STX8: variants seen among roughly 807,000 people sequenced by gnomAD.
The protein encoded by STX8 is syntaxin 8, also known as syntaxin-8.
In STX8, 23 loss-of-function variants were observed where a neutral mutation model predicts 37.5. The ratio of observed to expected loss-of-function variants is 0.61; its 90% CI spans 0.44 to 0.87. The LOEUF is 0.87. Among genes scored for constraint, STX8 ranks in the 40% least tolerant of loss-of-function variants. The probability of loss-of-function intolerance (pLI) is 0.00; values close to 1 mark genes in which losing one functional copy is unlikely to be tolerated. For synonymous variants in STX8, 115 were observed against 99.1 expected, an observed-to-expected ratio of 1.16 and a Z score of -0.95; for missense variants, 313 against 284.7, an observed-to-expected ratio of 1.10 and a Z score of -0.71.
chr17:9,257,714 G>A (rs549738833), intron 7 of STX8, among the ~76,000 whole-genome samples: 2 of 152,236 alleles, frequency 1.3e-5, no homozygotes, highest in African/African-American at 2.4e-5. Context: ...CTGGCCAGGC[G>A]TGGTGACTTA....
intron 7 of STX8, among the ~76,000 whole-genome samples, chr17:9,323,674 TGAAGA>T (rs1567783395): frequency 6.6e-6 from 1 of 151,254 alleles, no homozygotes; most frequent in Admixed American, 6.6e-5. Flanking sequence ...GGAGAAAAAA[TGAAGA>T]GAAGAGAGAA....
chr17:9,341,230 C>G (rs1910346346), intron 7 of STX8, among the ~76,000 whole-genome samples: 1 of 151,956 alleles, frequency 6.6e-6, no homozygotes, highest in Non-Finnish European at 1.5e-5. Context: ...TGGGGCTGAC[C>G]TCTTGAGAGG....
intron 7 of STX8, among the ~76,000 whole-genome samples, chr17:9,365,764 G>A (rs1810361669): frequency 6.6e-6 from 1 of 152,220 alleles, no homozygotes; most frequent in African/African-American, 2.4e-5. Context: ...ATGAGGTTAG[G>A]AGTTCGAGAC....
chr17:9,261,940 C>G (rs561689247), intron 7 of STX8, among the ~76,000 whole-genome samples: 2 of 152,284 alleles, frequency 1.3e-5, no homozygotes, highest in East Asian at 3.9e-4. Context: ...TCTTGACTGT[C>G]GGAAGATTCC....
In STX8 at chr17:9,450,482, G is replaced by A. The variant is rs530170133; in HGVS notation, c.541+41347C>T. On this transcript the variant is annotated intron_variant, in intron 6 of 7. Transcript: ENST00000306357. ...CAAATTCTCCAAGACCCATATATACGGATGTGTGTGTGTTAGAGATAGAAT... is the reference window on the plus strand; with the variant it reads ...CAAATTCTCCAAGACCCATATATACAGATGTGTGTGTGTTAGAGATAGAAT... 3.4e-4 allele frequency among the ~76,000 whole-genome samples: 51 copies of A among 151,770 alleles called. 1 individual carries two copies. Among genetic ancestry groups the A allele is most frequent in the Middle Eastern group, 6.8e-3 (2 of 294 alleles).
intron 6 of STX8, among the ~76,000 whole-genome samples, chr17:9,437,235 G>A (rs1330202139): frequency 1.3e-5 from 2 of 152,112 alleles, no homozygotes; most frequent in African/African-American, 4.8e-5. Context: ...ATGCGCTCTG[G>A]TCTCCAACAT....
intron 6 of STX8, among the ~76,000 whole-genome samples, chr17:9,433,984 G>T (rs1904332321): frequency 6.7e-6 from 1 of 148,570 alleles, no homozygotes; most frequent in Admixed American, 6.7e-5. Context: ...TGCCTAGGGG[G>T]TAAAACGGGC....
intron 7 of STX8, among the ~76,000 whole-genome samples, chr17:9,371,415 C>T (rs1054121967): frequency 4.6e-5 from 7 of 152,134 alleles, no homozygotes; most frequent in African/African-American, 1.7e-4. Flanking sequence ...TTAAAGTACA[C>T]CTTGCTTGCA....
chr17:9,384,793 C>G (rs1911932139), intron 6 of STX8, among the ~76,000 whole-genome samples: 1 of 96,606 alleles, frequency 1.0e-5, no homozygotes, highest in East Asian at 2.8e-4. Context: ...TCCAGATAGA[C>G]TTGTGTGTGT....
Position 9,507,570 on chromosome 17 carries a change from C to A in STX8, c.324-2408G>T, listed in dbSNP as rs1904886197. The stretch of plus-strand genomic sequence containing the variant: ...GTCCCAAACCTGAGAAACAGCCCAA[C>A]AGGCCACCTCTGGCAGGCATACTCC... On this transcript the variant is annotated intron_variant, in intron 4 of 7. Coordinates refer to ENST00000306357, the MANE Select transcript of STX8 (RefSeq NM_004853.3). This position sits in a 1 kb window ranked among gnomAD's most constrained non-coding sequence, Gnocchi z 4.0. Among the ~76,000 whole-genome samples the A allele has an allele frequency of 6.6e-6, 1 of 152,340 alleles. No homozygotes were observed. Among genetic ancestry groups the A allele is most frequent in the East Asian group, 1.9e-4 (1 of 5,184 alleles).
At chr17:9,486,561 A>T (rs1004561610) in intron 6 of STX8, among the ~76,000 whole-genome samples, 4 of 152,116 alleles carry the variant, frequency 2.6e-5, no homozygotes, top group African/African-American at 9.7e-5. Flanking sequence ...GTTCTTTTTA[A>T]AAAGCTCTGC....
chr17:9,513,813 T>G (rs142630347), intron 4 of STX8, among the ~76,000 whole-genome samples: 1 of 152,318 alleles, frequency 6.6e-6, no homozygotes, highest in African/African-American at 2.4e-5. Context: ...GTGGTATACA[T>G]ACACAACGGA....
At position 9,504,969 on chromosome 17, in the gene STX8, G is replaced by C. The variant is rs538715412; in HGVS notation, c.448+69C>G. The C allele has an allele frequency of 6.4e-3, 540 of 84,354 alleles. 2 individuals carry two copies. The highest frequency in any genetic ancestry group is 9.6e-3 in the Non-Finnish European group (484 of 50,610). The allele number at this position is 84,354 out of a possible 1,614,324, so 5.2% of individuals were successfully genotyped here. A position where few individuals can be genotyped will look rare whatever the true frequency, so the allele number is the denominator to read the frequency against. On this transcript the variant is annotated intron_variant, in intron 5 of 7. Coordinates refer to ENST00000306357, the MANE Select transcript of STX8 (RefSeq NM_004853.3). ...AGCCTAGGCGACATAGCAAGACTCCGTCTCAAAAAAAAAAAAAAAAAAATT... is the reference window on the plus strand; with the variant it reads ...AGCCTAGGCGACATAGCAAGACTCCCTCTCAAAAAAAAAAAAAAAAAAATT...
At chr17:9,441,718 A>ACCC (rs1555527805) in intron 6 of STX8, among the ~76,000 whole-genome samples, 5 of 125,802 alleles carry the variant, frequency 4.0e-5, no homozygotes, top group Non-Finnish European at 7.9e-5. Flanking sequence ...GCTCTGTGCC[A>ACCC]AGGCTGGAGT....
chr17:9,338,245 G>A (rs1910205139), intron 7 of STX8, among the ~76,000 whole-genome samples: 1 of 151,834 alleles, frequency 6.6e-6, no homozygotes, highest in Non-Finnish European at 1.5e-5. Context: ...GTAGAGATGG[G>A]TTTTCACCAT....
intron 6 of STX8, among the ~76,000 whole-genome samples, chr17:9,385,404 G>C (rs972472265): frequency 6.6e-6 from 1 of 152,128 alleles, no homozygotes; most frequent in Non-Finnish European, 1.5e-5. Flanking sequence ...GAAAATATTT[G>C]TAGAACATAT....
intron 7 of STX8, among the ~76,000 whole-genome samples, chr17:9,254,455 A>G (rs148112688): frequency 0.022 from 3,314 of 151,528 alleles, 49 homozygotes; most frequent in Middle Eastern, 0.037. Flanking sequence ...GAGTGCGGTG[A>G]CGTGATCTTG....
intron 6 of STX8, among the ~76,000 whole-genome samples, chr17:9,391,251 C>T (rs1912209119): frequency 6.6e-6 from 1 of 150,832 alleles, no homozygotes; most frequent in African/African-American, 2.5e-5. Context: ...GTCAGGAGTT[C>T]GAGACCAGCC....
intron 6 of STX8, among the ~76,000 whole-genome samples, chr17:9,385,016 GAA>G (rs58386863): frequency 1.5e-5 from 2 of 131,158 alleles, no homozygotes; most frequent in African/African-American, 5.4e-5. Flanking sequence ...GCTTCTAAAA[GAA>G]AAAAAAAAAA....
Sources: gnomAD v4.1 joint callset for allele counts (sites outside exome capture counted in the v4.1 genomes callset) on GRCh38, gnomAD v4.1.1 for gene constraint, Gnocchi (gnomAD v3.1) non-coding constraint, MANE v1.5 for transcripts, NCBI Gene and HGNC (gene_info 2026-07-23, HGNC 2026-07-21) for gene names.